TBC1D8B: variants seen among roughly 807,000 people sequenced by gnomAD.
TBC1D8B encodes the protein TBC1 domain family member 8B.
TBC1D8B carries 75 observed loss-of-function variants against 82.9 expected under a neutral mutation model. The observed-to-expected ratio is 0.90, with a 90% CI of 0.75 to 1.10. TBC1D8B has a LOEUF of 1.10. Among genes scored for constraint, TBC1D8B ranks in the 50% least tolerant of loss-of-function variants. The pLI is 0.00. For synonymous variants in TBC1D8B, 276 were observed against 276.8 expected, an observed-to-expected ratio of 1.00 and a Z score of 0.03; for missense variants, 794 against 796.9, an observed-to-expected ratio of 1.00 and a Z score of 0.04.
intron 7 of TBC1D8B, among the ~76,000 whole-genome samples, chrX:106,836,647 G>A (rs887402219): frequency 9.1e-6 from 1 of 109,928 alleles, no homozygotes; most frequent in African/African-American, 3.3e-5. Context: ...ATCCATAGAA[G>A]CTGGGTAACT....
intron 17 of TBC1D8B, among the ~76,000 whole-genome samples, chrX:106,867,432 T>C (rs979622011): frequency 1.8e-5 from 2 of 111,745 alleles, no homozygotes; most frequent in Non-Finnish European, 3.8e-5. Context: ...GCTGGAAAGA[T>C]AAAAATTTGC....
At chrX:106,819,793 A>G (rs1411176898) in intron 2 of TBC1D8B, among the ~76,000 whole-genome samples, 1 of 110,306 alleles carries the variant, frequency 9.1e-6, no homozygotes, top group African/African-American at 3.3e-5. Flanking sequence ...AGTAAAAATT[A>G]TTTTTTTTAA....
rs778206413 is a variant in TBC1D8B at position 106,816,597 on chromosome X, C to T, written c.131-2066C>T. 9.3e-5 allele frequency among the ~76,000 whole-genome samples: 10 copies of T among 107,937 alleles called. No individual in the cohort carries two copies. The East Asian group carries it at 2.8e-3, about 31-fold the overall frequency. The allele number at this position is 107,937 out of a possible 115,157, so 93.7% of individuals were successfully genotyped here. A position where few individuals can be genotyped will look rare whatever the true frequency, so the allele number is the denominator to read the frequency against. On this transcript the variant is annotated intron_variant, in intron 1 of 20. Coordinates refer to ENST00000357242, the MANE Select transcript of TBC1D8B (RefSeq NM_017752.3). ...CTTTCATAATATTTGTCAGTTTTCT[C>T]ATTTCTATTTTTTAAAAGCTTCAAT...
chrX:106,802,955 C>CGGG lies in TBC1D8B; in HGVS notation c.104_106dup (p.Gly35dup), dbSNP rs749849931. 232 of 1,207,057 alleles carry CGGG rather than the reference C, an allele frequency of 1.9e-4. No individual in the cohort carries two copies. The highest frequency in any genetic ancestry group is 2.4e-4 in the Non-Finnish European group (217 of 894,084). ...TCGTGCTGCAGCGGCGTCGGGGCTACGGGGAGGAAGGCGGAGGGGGGCTCA... is the reference window on the plus strand; with the variant it reads ...TCGTGCTGCAGCGGCGTCGGGGCTACGGGGGGGAGGAAGGCGGAGGGGGGCTCA... On this transcript the variant is annotated inframe_insertion, in exon 1 of 21. Coordinates refer to ENST00000357242, the MANE Select transcript of TBC1D8B (RefSeq NM_017752.3).
At chrX:106,837,938 A>G (rs1038765757) in intron 7 of TBC1D8B, among the ~76,000 whole-genome samples, 1 of 111,202 alleles carries the variant, frequency 9.0e-6, no homozygotes, top group Non-Finnish European at 1.9e-5. Context: ...TAATTTATAT[A>G]TTTGTGCTTA....
chrX:106,827,613 A>G (rs926102182), intron 7 of TBC1D8B: 2 of 222,024 alleles, frequency 9.0e-6, no homozygotes, highest in Admixed American at 6.8e-5. Context: ...TATACCTTGT[A>G]CTTTCACATA....
At chrX:106,866,567 T>C (rs190064146) in intron 16 of TBC1D8B, among the ~76,000 whole-genome samples, 2 of 112,211 alleles carry the variant, frequency 1.8e-5, no homozygotes, top group East Asian at 2.8e-4. Flanking sequence ...GGGAAGGAGC[T>C]AGGAAAGAGA....
chrX:106,842,259 A>G (rs1490194681), intron 10 of TBC1D8B, among the ~76,000 whole-genome samples: 1 of 110,698 alleles, frequency 9.0e-6, no homozygotes, highest in Non-Finnish European at 1.9e-5. Flanking sequence ...GCTTATACTC[A>G]CAGACCCTGT....
rs1340883949 is a variant in TBC1D8B at position 106,870,701 on chromosome X, A to G, written c.2870-15A>G. On this transcript the variant is annotated splice_polypyrimidine_tract_variant and intron_variant, in intron 19 of 20. Coordinates refer to ENST00000357242, the MANE Select transcript of TBC1D8B (RefSeq NM_017752.3). ...GGGCTGTTCCTTATGAAATGGTTTT[A>G]CTCCCTTTCTTCAGGCAAAGGGAAA... 9.0e-7 allele frequency: 1 copy of G among 1,116,133 alleles called. No individual in the cohort carries two copies. Among genetic ancestry groups the G allele is most frequent in the Non-Finnish European group, 1.2e-6 (1 of 812,654 alleles). The allele number at this position is 1,116,133 out of a possible 1,213,427, so 92.0% of individuals were successfully genotyped here.
Position 106,866,122 on chromosome X carries a change from C to T in TBC1D8B, c.2662+89C>T. On this transcript the variant is annotated intron_variant, in intron 16 of 20. Coordinates refer to ENST00000357242, the MANE Select transcript of TBC1D8B (RefSeq NM_017752.3). ...TTGCCAATTTAGTCAGATTATATCA[C>T]CATGGGTTACAGTGTGTTTAGCTTT... The T allele has an allele frequency of 5.4e-6, 5 of 925,625 alleles. No homozygotes were observed. The South Asian group carries it at 7.7e-5, about 14-fold the overall frequency. 76.3% of individuals were successfully genotyped at this position (925,625 alleles called of 1,213,427 possible). A position where few individuals can be genotyped will look rare whatever the true frequency, so the allele number is the denominator to read the frequency against.
chrX:106,848,060 C>G (rs1340455500), intron 10 of TBC1D8B, 126 bp from the exon 11 acceptor site: 1 of 386,316 alleles, frequency 2.6e-6, no homozygotes, highest in East Asian at 4.1e-5. Flanking sequence ...TCTCATGTTT[C>G]CACTGTTATT....
rs762675470 is a variant in TBC1D8B, at chrX:106,853,651, G to T, written c.2253+1G>T. The T allele has an allele frequency of 2.9e-5, 35 of 1,202,491 alleles. No individual in the cohort carries two copies. In the East Asian group the frequency reaches 9.5e-4, roughly 33 times the overall value. The stretch of plus-strand genomic sequence containing the variant: ...AGATTTGATTAGAGAATCAAATGAG[G>T]TAAGTTTTTTCATGCCATAAATATA... On this transcript the variant is annotated splice_donor_variant, in intron 13 of 20. Coordinates refer to ENST00000357242, the MANE Select transcript of TBC1D8B (RefSeq NM_017752.3). LOFTEE classifies it high-confidence loss of function.
In TBC1D8B at chrX:106,818,700, T is replaced by C. The variant is rs138156614; in HGVS notation, c.168T>C (p.Ser56=). The change falls in exon 2 of 21, where the codon TCT becomes TCC. Residue 56 remains serine, a synonymous_variant. Coordinates refer to ENST00000357242, the MANE Select transcript of TBC1D8B (RefSeq NM_017752.3). ...GGACTCTTGATTCAGTCTTGGACTC[T>C]ACTGCTAAAGTAGCTCCATTTCGCA... The part of the protein sequence containing the change: ...LVGTLDSVLD[S]TAKVAPFRIL... The C allele has an allele frequency of 1.4e-5, 17 of 1,206,968 alleles. No individual in the cohort carries two copies. Among genetic ancestry groups the C allele is most frequent in the Non-Finnish European group, 1.9e-5 (17 of 893,468 alleles).
intron 12 of TBC1D8B, among the ~76,000 whole-genome samples, chrX:106,852,381 T>C (rs1322325182): frequency 9.5e-6 from 1 of 105,594 alleles, no homozygotes; most frequent in Non-Finnish European, 2.0e-5. Context: ...TTCACTCTGA[T>C]GGTAGTTTCT....
chrX:106,808,007 C>T (rs1336111869), intron 1 of TBC1D8B, among the ~76,000 whole-genome samples: 2 of 110,230 alleles, frequency 1.8e-5, no homozygotes, highest in African/African-American at 3.3e-5. Flanking sequence ...GAACCGAGAT[C>T]GCACTGTTGT....
chrX:106,861,489 T>G (rs1932774729), intron 14 of TBC1D8B, among the ~76,000 whole-genome samples: 1 of 112,152 alleles, frequency 8.9e-6, no homozygotes, highest in African/African-American at 3.2e-5. Flanking sequence ...TTTTTTGTTT[T>G]GTTTTGTTGT....
chrX:106,868,936 T>G (rs1334753089), intron 18 of TBC1D8B, among the ~76,000 whole-genome samples: 1 of 112,142 alleles, frequency 8.9e-6, no homozygotes, highest in Non-Finnish European at 1.9e-5. Flanking sequence ...TCATAAATAT[T>G]CAATGTCCTA....
rs190876965 is a variant in TBC1D8B, at chrX:106,826,856, A to T, written c.1036-314A>T. Among the ~76,000 whole-genome samples the T allele has an allele frequency of 3.1e-4, 35 of 111,212 alleles. 1 individual carries two copies. Among genetic ancestry groups the T allele is most frequent in the African/African-American group, 1.1e-3 (35 of 30,656 alleles). The stretch of plus-strand genomic sequence containing the variant: ...AAAGTTAGACTATCACTTTTGATGT[A>T]CTCTGTCAGAAAAAAATAACATTGA... On this transcript the variant is annotated intron_variant, in intron 6 of 20. Coordinates refer to ENST00000357242, the MANE Select transcript of TBC1D8B (RefSeq NM_017752.3).
intron 12 of TBC1D8B, among the ~76,000 whole-genome samples, chrX:106,850,667 A>G (rs945739743): frequency 1.8e-5 from 2 of 111,921 alleles, no homozygotes; most frequent in Non-Finnish European, 3.8e-5. Context: ...CCGGGAAGTT[A>G]TTCTGGTTTC....
Sources: gnomAD v4.1 joint callset for allele counts (sites outside exome capture counted in the v4.1 genomes callset) on GRCh38, gnomAD v4.1.1 for gene constraint, MANE v1.5 for transcripts, NCBI Gene and HGNC (gene_info 2026-07-23, HGNC 2026-07-21) for gene names.